Variants in CYP2J2 observed in about 807,000 individuals in gnomAD.
CYP2J2 encodes cytochrome P450 2J2.
Under a neutral mutation model 48.8 loss-of-function variants are expected in CYP2J2, and 41 were observed. The observed-to-expected ratio is 0.84, with a 90% CI of 0.66 to 1.09. The LOEUF (loss-of-function observed/expected upper bound fraction) is 1.09, where lower values mean the gene tolerates loss of function less well. CYP2J2 is among the 50% of genes least tolerant of loss of function. The probability of loss-of-function intolerance (pLI) is 0.00; values close to 1 mark genes in which losing one functional copy is unlikely to be tolerated. For missense variants in CYP2J2, 644 were observed against 617.3 expected, an observed-to-expected ratio of 1.04 and a Z score of -0.46; for synonymous variants, 221 against 227.1, an observed-to-expected ratio of 0.97 and a Z score of 0.24.
intron 1 of CYP2J2, among the ~76,000 whole-genome samples, chr1:59,919,307 A>G (rs1421486913): frequency 6.6e-6 from 1 of 152,180 alleles, no homozygotes; most frequent in Non-Finnish European, 1.5e-5. Flanking sequence ...CTTTTTTCTC[A>G]TTGATAACGT....
At chr1:59,967,197 G>A in the CYP2J2 span, among the ~76,000 whole-genome samples, 2 of 152,220 alleles carry the variant, frequency 1.3e-5, no homozygotes, top group African/African-American at 2.4e-5. Context: ...CTTGCTCGAG[G>A]AGCCACAAAG....
rs557770949 is a variant in CYP2J2 at position 59,912,176 on chromosome 1, A to T, written c.509T>A (p.Ile170Lys). Residue 170 changes from isoleucine (I) to lysine (K), a missense_variant, in exon 3 of 9, where the codon ATA becomes AAA. Physicochemically the swap from Ile to Lys is moderately radical, Grantham distance 102. Transcript: ENST00000371204. ...QEEAQHLTEA[I>K]KEENGQPFDP... The stretch of plus-strand genomic sequence containing the variant: ...GCAATGCTCACCGTTCTCCTCTTTT[A>T]TTGCTTCAGTGAGGTGTTGGGCCTC... The T allele has an allele frequency of 6.8e-6, 11 of 1,612,978 alleles. No homozygotes were observed. The Admixed American group carries it at 8.4e-5, about 12-fold the overall frequency.
the CYP2J2 span, among the ~76,000 whole-genome samples, chr1:59,933,305 T>C: frequency 6.6e-6 from 1 of 151,978 alleles, no homozygotes; most frequent in South Asian, 2.1e-4. Context: ...AGGCTAAAAA[T>C]GAGTGCAAGA....
the CYP2J2 span, among the ~76,000 whole-genome samples, chr1:59,946,784 T>A: frequency 1.3e-5 from 2 of 152,180 alleles, no homozygotes; most frequent in African/African-American, 4.8e-5. Flanking sequence ...ATAACTTTTA[T>A]ATTTACAATA....
the CYP2J2 span, among the ~76,000 whole-genome samples, chr1:59,943,780 T>A: frequency 6.6e-6 from 1 of 151,992 alleles, no homozygotes; most frequent in Non-Finnish European, 1.5e-5. Context: ...AAGGGATTGG[T>A]CAGTGTGTTG....
chr1:59,949,767 T>G, the CYP2J2 span, among the ~76,000 whole-genome samples: 1 of 151,898 alleles, frequency 6.6e-6, no homozygotes, highest in African/African-American at 2.4e-5. Flanking sequence ...CAGCAGATAT[T>G]TATTTTTCCC....
In CYP2J2 at chr1:59,915,979, C is replaced by G. The variant is rs779509762; in HGVS notation, c.332G>C (p.Arg111Pro). The change falls in exon 2 of 9, where the codon CGC becomes CCC. Residue 111 changes from arginine (R) to proline (P), a missense_variant. Coordinates refer to ENST00000371204, the MANE Select transcript of CYP2J2 (RefSeq NM_000775.4). The stretch of plus-strand genomic sequence containing the variant: ...ATGTTCTCGCATAGGGGTCACGGGG[C>G]GGTTCCCAAAGTTTTGGTCCATGTG... The part of the protein sequence containing the change: ...LIHMDQNFGN[R>P]PVTPMREHIF... 1 of 1,613,760 alleles carries G rather than the reference C, an allele frequency of 6.2e-7. No individual in the cohort carries two copies. The highest frequency in any genetic ancestry group is 1.7e-5 in the Admixed American group (1 of 59,974).
chr1:59,918,026 C>G (rs368125376), intron 1 of CYP2J2, among the ~76,000 whole-genome samples: 1 of 152,170 alleles, frequency 6.6e-6, no homozygotes, highest in South Asian at 2.1e-4. Context: ...TCCTTGTATT[C>G]TTTTGGCCCA....
At chr1:59,950,958 G>A in the CYP2J2 span, among the ~76,000 whole-genome samples, 1 of 152,170 alleles carries the variant, frequency 6.6e-6, no homozygotes, top group Non-Finnish European at 1.5e-5. Context: ...GCCTGGACCA[G>A]CATAGCACCA....
intron 7 of CYP2J2, among the ~76,000 whole-genome samples, chr1:59,903,776 G>A (rs1644340935): frequency 6.6e-6 from 1 of 152,194 alleles, no homozygotes; most frequent in Non-Finnish European, 1.5e-5. Context: ...TGTAAAGCAA[G>A]TCCTGTGAAG....
intron 8 of CYP2J2, among the ~76,000 whole-genome samples, chr1:59,898,155 G>A (rs776371605): frequency 7.2e-5 from 11 of 152,212 alleles, no homozygotes; most frequent in Non-Finnish European, 1.5e-4. Context: ...GCAATGCGAT[G>A]TCATAGCTCT....
chr1:59,951,204 A>C, the CYP2J2 span, among the ~76,000 whole-genome samples: 1 of 152,314 alleles, frequency 6.6e-6, no homozygotes, highest in South Asian at 2.1e-4. Flanking sequence ...TTTGACCTTG[A>C]TCAGTTCAAT....
chr1:59,950,897 C>A, the CYP2J2 span, among the ~76,000 whole-genome samples: 3 of 152,184 alleles, frequency 2.0e-5, no homozygotes, highest in Non-Finnish European at 4.4e-5. Context: ...TCCATGTTGG[C>A]TGGCTTCCAA....
intron 5 of CYP2J2, among the ~76,000 whole-genome samples, chr1:59,909,520 G>A (rs1041908397): frequency 1.3e-4 from 20 of 152,162 alleles, no homozygotes; most frequent in East Asian, 1.9e-4. Context: ...ACAGGCCAAG[G>A]GACATAGGCG....
chr1:59,914,313 G>A (rs1432961138), intron 2 of CYP2J2, among the ~76,000 whole-genome samples: 3 of 152,148 alleles, frequency 2.0e-5, no homozygotes, highest in Non-Finnish European at 4.4e-5. Context: ...AGAATTAACT[G>A]ATGAAATATT....
the CYP2J2 span, among the ~76,000 whole-genome samples, chr1:59,960,347 A>G: frequency 6.6e-6 from 1 of 152,332 alleles, no homozygotes; most frequent in African/African-American, 2.4e-5. Flanking sequence ...GAGAAATTAT[A>G]CAAATTAACT....
intron 4 of CYP2J2, among the ~76,000 whole-genome samples, chr1:59,911,203 A>G (rs1644411000): frequency 6.6e-6 from 1 of 152,232 alleles, no homozygotes; most frequent in Non-Finnish European, 1.5e-5. Flanking sequence ...ACCAGCACAG[A>G]TGACTCTCAA....
At chr1:59,901,995 T>C (rs150893193) in intron 7 of CYP2J2, among the ~76,000 whole-genome samples, 307 of 152,320 alleles carry the variant, frequency 2.0e-3, no homozygotes, top group African/African-American at 7.0e-3. Flanking sequence ...CACCTGGTCC[T>C]GGTCTGCACT....
chr1:59,921,840 GCT>G (rs901218160), intron 1 of CYP2J2, among the ~76,000 whole-genome samples: 2 of 152,014 alleles, frequency 1.3e-5, no homozygotes, highest in African/African-American at 4.8e-5. Flanking sequence ...CTGTTCTAAG[GCT>G]CTGTTAGAAA....
Sources: allele counts gnomAD v4.1 joint callset (sites outside exome capture counted in the v4.1 genomes callset), GRCh38; gene constraint gnomAD v4.1.1; transcripts MANE v1.5; gene names NCBI Gene and HGNC (gene_info 2026-07-23, HGNC 2026-07-21).